The following TCF20 variants were observed in gnomAD, a reference collection of about 807,000 sequenced individuals.
TCF20 encodes SPRE-binding protein.
Under a neutral mutation model 148.6 loss-of-function variants are expected in TCF20, and 3 were observed. The observed-to-expected ratio is 0.02, with a 90% CI of 0.01 to 0.05. The LOEUF is 0.05. Among genes scored for constraint, TCF20 ranks in the 10% least tolerant of loss-of-function variants. The pLI, the probability that TCF20 is intolerant of heterozygous loss-of-function variation, is 1.00. For synonymous variants in TCF20, 1,049 were observed against 909.5 expected (o/e 1.15, Z -2.76); for missense variants, 2,350 against 2,429.3 (o/e 0.97, Z 0.69).
chr22:42,211,297 C>T lies in TCF20; in HGVS notation c.4009G>A (p.Ala1337Thr). 7 of 1,614,148 alleles carry T rather than the reference C, an allele frequency of 4.3e-6. No individual in the cohort carries two copies. In the East Asian group the frequency reaches 1.6e-4, roughly 36 times the overall value. Residue 1337 changes from alanine to threonine, a missense_variant, in exon 2 of 6, where the codon GCT (alanine) becomes ACT (threonine). This residue lies in a region of TCF20 where 1,641 missense variants were observed against 1,662.6 expected (regional missense o/e 0.99). Transcript: ENST00000677622. ...CGTGGGGGCAGTATTTTGGTCTTAG[C>T]AGGGCTTGTGAGGGTAACAGCAGGG... ...NCPAVTLTSP[A>T]KTKILPPRKG...
At chr22:42,272,289 C>A (rs5758690), upstream of TCF20, among the ~76,000 whole-genome samples, 21 of 152,242 alleles carry the variant, frequency 1.4e-4, no homozygotes, top group East Asian at 2.9e-3. Context: ...AAAGGGAAAG[C>A]TGGAAGAGGC....
chr22:42,199,200 T>G (rs1937810100), intron 2 of TCF20, among the ~76,000 whole-genome samples: 1 of 152,190 alleles, frequency 6.6e-6, no homozygotes, highest in African/African-American at 2.4e-5. Flanking sequence ...TGTAAATCTT[T>G]TTCATGACTC....
chr22:42,197,447 A>C (rs370299125), intron 2 of TCF20, among the ~76,000 whole-genome samples: 22 of 150,750 alleles, frequency 1.5e-4, no homozygotes, highest in African/African-American at 4.6e-4. Context: ...CTCAGCCTCC[A>C]GAGTAGCTGG....
Position 42,317,784 on chromosome 22 carries a change from AC to A in TCF20, c.-37+25694del, listed in dbSNP as rs1428403695. The stretch of plus-strand genomic sequence containing the variant: ...GGCACAGGGCGATCCCTCCCTCACA[AC>A]GCTACAGAGAAAAATGGCAGGCAGC... On this transcript the variant is annotated intron_variant, in intron 1 of 1. Coordinates refer to the TCF20 transcript ENST00000515426. This position sits in a 1 kb window ranked among gnomAD's most constrained non-coding sequence, Gnocchi z 4.2. Among the ~76,000 whole-genome samples, 1 of 152,166 alleles carries A rather than the reference AC, an allele frequency of 6.6e-6. No homozygotes were observed. Among genetic ancestry groups the A allele is most frequent in the Non-Finnish European group, 1.5e-5 (1 of 68,012 alleles).
chr22:42,205,144 T>C (rs1356299890), intron 2 of TCF20, among the ~76,000 whole-genome samples: 1 of 152,232 alleles, frequency 6.6e-6, no homozygotes, highest in African/African-American at 2.4e-5. Context: ...TCAGAGGCAA[T>C]TACCTCTGTA....
At chr22:42,207,803 G>A (rs539862897) in intron 2 of TCF20, among the ~76,000 whole-genome samples, 4 of 151,060 alleles carry the variant, frequency 2.6e-5, no homozygotes, top group African/African-American at 9.7e-5. Flanking sequence ...CAACAAGAGC[G>A]AAACCCCATC....
chr22:42,319,544 T>C (rs1394140236), intron 1 of TCF20, among the ~76,000 whole-genome samples: 3 of 152,106 alleles, frequency 2.0e-5, no homozygotes, highest in Non-Finnish European at 4.4e-5. Context: ...TCCCTCCCAG[T>C]AAAATAGGAC....
intron 1 of TCF20, among the ~76,000 whole-genome samples, chr22:42,326,667 C>A (rs1229083439): frequency 6.6e-6 from 1 of 152,240 alleles, no homozygotes; most frequent in Non-Finnish European, 1.5e-5. Context: ...CCAAGGCCAG[C>A]ACATCACCCC....
chr22:42,338,313 C>T lies in TCF20; in HGVS notation c.-37+5166G>A, dbSNP rs1181350897. 6.6e-6 allele frequency among the ~76,000 whole-genome samples: 1 copy of T among 152,228 alleles called. No individual in the cohort carries two copies. Among genetic ancestry groups the T allele is most frequent in the Non-Finnish European group, 1.5e-5 (1 of 68,048 alleles). ...GGCTGCACAGAGGAAACTACACGTG[C>T]TGGGTGTGTAATAACGGGTTAACCA... On this transcript the variant is annotated intron_variant, in intron 1 of 1. Coordinates refer to the TCF20 transcript ENST00000515426. The surrounding 1 kb of genome is among the most constrained non-coding windows in gnomAD (Gnocchi z 4.0).
chr22:42,334,286 A>G (rs769066001), intron 1 of TCF20, among the ~76,000 whole-genome samples: 16 of 152,154 alleles, frequency 1.1e-4, no homozygotes, highest in Non-Finnish European at 1.9e-4. Context: ...GGTCAGAATC[A>G]TCATTGGCTC....
At chr22:42,298,919 G>A (rs1472674644) in intron 1 of TCF20, among the ~76,000 whole-genome samples, 2 of 152,220 alleles carry the variant, frequency 1.3e-5, no homozygotes, top group African/African-American at 4.8e-5. Context: ...TCAAGTCGGG[G>A]GAGGACGAGA....
At chr22:42,163,787 G>C (rs1386152398) in intron 5 of TCF20, among the ~76,000 whole-genome samples, 5 of 152,198 alleles carry the variant, frequency 3.3e-5, no homozygotes, top group Admixed American at 3.3e-4. Context: ...CTGTGCTGAA[G>C]ACTGTGAATT....
chr22:42,200,150 T>C (rs2147160543), intron 2 of TCF20, among the ~76,000 whole-genome samples: 1 of 152,334 alleles, frequency 6.6e-6, no homozygotes, highest in East Asian at 1.9e-4. Context: ...TAGGCTGAAC[T>C]GCCTTCATAT....
intron 2 of TCF20, among the ~76,000 whole-genome samples, chr22:42,180,092 TCTG>T (rs1487875451): frequency 6.6e-6 from 1 of 152,220 alleles, no homozygotes; most frequent in Non-Finnish European, 1.5e-5. Flanking sequence ...CCTGTTTACT[TCTG>T]CTGTGAAAAT....
chr22:42,281,892 T>C (rs1926910033), intron 1 of TCF20, among the ~76,000 whole-genome samples: 1 of 152,132 alleles, frequency 6.6e-6, no homozygotes, highest in African/African-American at 2.4e-5. Context: ...AGGGGAGGCC[T>C]TAAGTGTCCC....
chr22:42,195,381 A>G (rs747757601), intron 2 of TCF20, among the ~76,000 whole-genome samples: 5 of 152,000 alleles, frequency 3.3e-5, no homozygotes, highest in South Asian at 2.1e-4. Context: ...CCCCAAAACT[A>G]TAACAGGAAA....
At chr22:42,242,613 G>A (rs1449335694) in intron 1 of TCF20, among the ~76,000 whole-genome samples, 5 of 151,708 alleles carry the variant, frequency 3.3e-5, no homozygotes, top group East Asian at 1.9e-4. Context: ...CCGGCCAGGC[G>A]AGGTGGCTCA....
chr22:42,185,470 G>A (rs1381507074), intron 2 of TCF20, among the ~76,000 whole-genome samples: 1 of 152,142 alleles, frequency 6.6e-6, no homozygotes, highest in Admixed American at 6.6e-5. Flanking sequence ...AACTGATGCT[G>A]GTGGAGCTTG....
chr22:42,310,602 G>A (rs1036735690), intron 1 of TCF20, among the ~76,000 whole-genome samples: 3 of 152,178 alleles, frequency 2.0e-5, no homozygotes, highest in African/African-American at 7.2e-5. Context: ...AGTATGGCTC[G>A]TGGAAGTGGC....
Sources: gnomAD v4.1 joint callset for allele counts (sites outside exome capture counted in the v4.1 genomes callset) on GRCh38, gnomAD v4.1.1 for gene constraint, gnomAD v4.1.1 regional missense constraint, Gnocchi (gnomAD v3.1) non-coding constraint, MANE v1.5 for transcripts, NCBI Gene and HGNC (gene_info 2026-07-23, HGNC 2026-07-21) for gene names.